The following RPH3A variants were observed in gnomAD, a reference collection of about 807,000 sequenced individuals.
RPH3A encodes rabphilin 3A, also known as rabphilin-3A.
RPH3A carries 48 observed loss-of-function variants against 102.2 expected under a neutral mutation model. The ratio of observed to expected loss-of-function variants is 0.47; its 90% confidence interval spans 0.37 to 0.60. RPH3A has a LOEUF of 0.60. Ranked by LOEUF, RPH3A falls within the 20% of genes least tolerant of loss-of-function variation. The pLI is 0.00. For missense variants in RPH3A, 781 were observed against 910.1 expected (o/e 0.86, Z 1.83); for synonymous variants, 310 against 324.3 (o/e 0.96, Z 0.47).
At chr12:112,868,360 G>T in intron 7 of RPH3A, 70 bp from the exon 8 acceptor site, 1 of 1,490,020 alleles carries the variant, frequency 6.7e-7, no homozygotes, top group Non-Finnish European at 9.2e-7. Context: ...AGATAAAAAT[G>T]GGCACTCATG....
At chr12:112,706,611 G>A (rs558264873) in intron 1 of RPH3A, among the ~76,000 whole-genome samples, 5 of 152,136 alleles carry the variant, frequency 3.3e-5, no homozygotes, top group Non-Finnish European at 5.9e-5. Context: ...CTTGAATAAC[G>A]CATAGAGGTT....
intron 1 of RPH3A, among the ~76,000 whole-genome samples, chr12:112,712,913 T>TTCTTCTTCC (rs1565856754): frequency 1.1e-4 from 12 of 107,802 alleles, no homozygotes; most frequent in Admixed American, 4.2e-4. Context: ...CCTCTTCTTC[T>TTCTTCTTCC]TCTTCTTCTT....
At chr12:112,801,580 G>C (rs1313422447) in intron 2 of RPH3A, among the ~76,000 whole-genome samples, 1 of 152,098 alleles carries the variant, frequency 6.6e-6, no homozygotes, top group African/African-American at 2.4e-5. Flanking sequence ...GGGGGACTGT[G>C]GTTTTAATTA....
intron 1 of RPH3A, among the ~76,000 whole-genome samples, chr12:112,707,626 A>G (rs1189048794): frequency 6.6e-6 from 1 of 152,258 alleles, no homozygotes; most frequent in African/African-American, 2.4e-5. Flanking sequence ...ATTGGCTTTT[A>G]ACAAGTTATA....
chr12:112,605,797 C>A (rs981324391), intron 1 of RPH3A, among the ~76,000 whole-genome samples: 2 of 152,242 alleles, frequency 1.3e-5, no homozygotes, highest in Admixed American at 6.5e-5. Flanking sequence ...CGTGTGTCAA[C>A]CAAGAGGCAG....
chr12:112,697,887 CT>C lies in RPH3A; in HGVS notation c.-139-94247del, dbSNP rs1009689720. 9.6e-4 allele frequency among the ~76,000 whole-genome samples: 145 copies of C among 151,206 alleles called. 1 individual carries two copies. Among genetic ancestry groups the C allele is most frequent in the South Asian group, 5.9e-3 (28 of 4,750 alleles). On this transcript the variant is annotated intron_variant, in intron 1 of 21. Coordinates refer to the RPH3A transcript ENST00000543106. ...TCTCAAAAAAAAAAATCCAAACAGA[CT>C]TTTTTTTTCTTTAAAGAAATTGACA...
At chr12:112,836,415 C>A (rs2042051855) in intron 3 of RPH3A, 76 bp from the exon 4 acceptor site, 2 of 807,220 alleles carry the variant, frequency 2.5e-6, no homozygotes, top group Non-Finnish European at 3.8e-6. Context: ...TGCATCCAGA[C>A]AGTGTAGATA....
At chr12:112,699,974 ATGTT>A (rs902292360) in intron 1 of RPH3A, among the ~76,000 whole-genome samples, 1 of 152,200 alleles carries the variant, frequency 6.6e-6, no homozygotes, top group Non-Finnish European at 1.5e-5. Flanking sequence ...AGTTCAATAA[ATGTT>A]TGTTAAATAA....
intron 2 of RPH3A, among the ~76,000 whole-genome samples, 167 bp from the exon 3 acceptor site, chr12:112,828,134 A>T (rs1302609776): frequency 6.6e-6 from 1 of 152,224 alleles, no homozygotes; most frequent in African/African-American, 2.4e-5. Flanking sequence ...TTCCAGCAAG[A>T]CACTTTCCCT....
At chr12:112,770,546 G>A (rs2040920754) in intron 1 of RPH3A, among the ~76,000 whole-genome samples, 1 of 152,068 alleles carries the variant, frequency 6.6e-6, no homozygotes, top group Admixed American at 6.6e-5. Flanking sequence ...GTTTTGCCTT[G>A]TTGCCCAGGT....
intron 1 of RPH3A, among the ~76,000 whole-genome samples, chr12:112,712,879 TTTCTTCTTCTTCTTCTTCTTC>T (rs374301306): frequency 7.3e-6 from 1 of 136,746 alleles, no homozygotes; most frequent in African/African-American, 3.2e-5. Flanking sequence ...CTCACTTTTT[TTTCTTCTTCTTCTTCTTCTTC>T]TTCCTCTTCT....
At chr12:112,676,111 G>A (rs1255474189) in intron 1 of RPH3A, among the ~76,000 whole-genome samples, 1 of 152,036 alleles carries the variant, frequency 6.6e-6, no homozygotes, top group African/African-American at 2.4e-5. Context: ...AAATATCCTG[G>A]CTTCTCCCTT....
chr12:112,597,574 A>T (rs894383475), intron 1 of RPH3A, among the ~76,000 whole-genome samples: 2 of 152,096 alleles, frequency 1.3e-5, no homozygotes, highest in Admixed American at 6.5e-5. Flanking sequence ...TGGGAGTGAG[A>T]CCCTGTTTCA....
intron 1 of RPH3A, among the ~76,000 whole-genome samples, chr12:112,680,396 A>C (rs2040218218): frequency 6.6e-6 from 1 of 152,162 alleles, no homozygotes; most frequent in Admixed American, 6.5e-5. Context: ...GTGGACATTC[A>C]CTGAGCACTT....
intron 3 of RPH3A, among the ~76,000 whole-genome samples, chr12:112,831,224 T>C (rs1278560698): frequency 6.6e-6 from 1 of 151,968 alleles, no homozygotes; most frequent in Non-Finnish European, 1.5e-5. Flanking sequence ...TCTTTTTCTA[T>C]GGTTCTTTTG....
chr12:112,872,924 G>C (rs1003934643), intron 10 of RPH3A, among the ~76,000 whole-genome samples: 26 of 152,316 alleles, frequency 1.7e-4, no homozygotes, highest in African/African-American at 6.0e-4. Flanking sequence ...AGGGTGGTGA[G>C]ACGCAGCCCT....
At chr12:112,757,952 G>T (rs1223710445) in intron 1 of RPH3A, among the ~76,000 whole-genome samples, 1 of 152,152 alleles carries the variant, frequency 6.6e-6, no homozygotes, top group Non-Finnish European at 1.5e-5. Context: ...TTGTCTTAAA[G>T]ACAATGTTGC....
chr12:112,627,473 A>G (rs1236457086), intron 1 of RPH3A, among the ~76,000 whole-genome samples: 2 of 150,852 alleles, frequency 1.3e-5, no homozygotes, highest in Non-Finnish European at 3.0e-5. Context: ...ATGTAGGTAT[A>G]ATATACATTA....
intron 1 of RPH3A, among the ~76,000 whole-genome samples, chr12:112,724,496 T>A (rs1258800238): frequency 6.6e-6 from 1 of 152,368 alleles, no homozygotes; most frequent in Middle Eastern, 3.4e-3. Context: ...TTCAAACCCA[T>A]GTTGTTCAAG....
Sources: gnomAD v4.1 joint callset for allele counts (sites outside exome capture counted in the v4.1 genomes callset) on GRCh38, gnomAD v4.1.1 for gene constraint, MANE v1.5 for transcripts, NCBI Gene and HGNC (gene_info 2026-07-23, HGNC 2026-07-21) for gene names.